Variants in CPM observed in about 807,000 individuals in gnomAD.
CPM encodes carboxypeptidase M, also known as renal carboxypeptidase.
CPM carries 35 observed loss-of-function variants against 46.4 expected under a neutral mutation model. That is an observed-to-expected ratio of 0.75 (90% CI 0.58 to 1.00). The LOEUF is 1.00. Ranked by LOEUF, CPM falls within the 50% of genes least tolerant of loss-of-function variation. The pLI, the probability that CPM is intolerant of heterozygous loss-of-function variation, is 0.00. For synonymous variants in CPM, 195 were observed against 195.3 expected (o/e 1.00, Z 0.01); for missense variants, 422 against 530.4 (o/e 0.80, Z 2.01).
At chr12:68,923,206 TGTGTGTG>T (rs1888113774) in intron 2 of CPM, among the ~76,000 whole-genome samples, 3 of 148,814 alleles carry the variant, frequency 2.0e-5, no homozygotes, top group East Asian at 3.9e-4. Context: ...TGTGTGTGTG[TGTGTGTG>T]TTTTGAGTAA....
rs1233987077 is a variant in CPM at position 68,855,266 on chromosome 12, G to C, written c.*1171C>G. The C allele has an allele frequency of 6.6e-6, 1 of 152,532 alleles. No homozygotes were observed. Among genetic ancestry groups the C allele is most frequent in the Non-Finnish European group, 1.5e-5 (1 of 68,340 alleles). The allele number at this position is 152,532 out of a possible 1,614,324, so 9.4% of individuals were successfully genotyped here. On this transcript the variant is annotated 3_prime_UTR_variant, in exon 9 of 9. Coordinates refer to ENST00000551568, the MANE Select transcript of CPM (RefSeq NM_198320.5). ...CTTGGTGGTCCCAGTAATTGAGAGAGAGAATGCAGCAGGAAGAGCAGCTCT... is the reference window on the plus strand; with the variant it reads ...CTTGGTGGTCCCAGTAATTGAGAGACAGAATGCAGCAGGAAGAGCAGCTCT...
At chr12:68,893,542 A>G (rs1645092341) in intron 2 of CPM, among the ~76,000 whole-genome samples, 1 of 152,176 alleles carries the variant, frequency 6.6e-6, no homozygotes, top group Admixed American at 6.5e-5. Flanking sequence ...CTGTGATAAG[A>G]GTAAGTGCTC....
intron 2 of CPM, among the ~76,000 whole-genome samples, chr12:68,892,181 T>A (rs1476962068): frequency 6.6e-6 from 1 of 151,998 alleles, no homozygotes; most frequent in Admixed American, 6.6e-5. Context: ...GCTAATCACC[T>A]CAGAGATGGA....
intron 2 of CPM, among the ~76,000 whole-genome samples, chr12:68,925,874 A>C (rs986411521): frequency 6.6e-6 from 1 of 152,172 alleles, no homozygotes. Flanking sequence ...TAGTTACAAT[A>C]ATGTAAAAAG....
intron 1 of CPM, among the ~76,000 whole-genome samples, chr12:68,954,448 G>A (rs1230127914): frequency 6.6e-6 from 1 of 152,078 alleles, no homozygotes. Context: ...CCCTCTCTTG[G>A]CTTCTGAGAC....
rs745406579 is a variant in CPM, at chr12:68,851,320, A to G, written c.*5117T>C. Reference sequence around the variant, plus strand: ...AAATTCTTAGTTATAGTATTAAAGAAAGTGGCTGGGCGCGGGGGCTCACGC... The same window carrying G: ...AAATTCTTAGTTATAGTATTAAAGAGAGTGGCTGGGCGCGGGGGCTCACGC... On this transcript the variant is annotated 3_prime_UTR_variant, in exon 9 of 9. Coordinates refer to ENST00000551568, the MANE Select transcript of CPM (RefSeq NM_198320.5). 2 of 152,554 alleles carry G rather than the reference A, an allele frequency of 1.3e-5. No homozygotes were observed. The highest frequency in any genetic ancestry group is 2.9e-5 in the Non-Finnish European group (2 of 68,030). The allele number at this position is 152,554 out of a possible 1,614,324, so 9.5% of individuals were successfully genotyped here. A position where few individuals can be genotyped will look rare whatever the true frequency, so the allele number is the denominator to read the frequency against.
intron 5 of CPM, chr12:68,843,106 T>A (rs74099445): frequency 0.068 from 14,748 of 218,040 alleles, 2,181 homozygotes; most frequent in African/African-American, 0.31. Context: ...TTTTTTTTTT[T>A]AAAGCCACAC....
chr12:68,904,265 A>T (rs1219575277), intron 2 of CPM, among the ~76,000 whole-genome samples: 1 of 152,218 alleles, frequency 6.6e-6, no homozygotes, highest in Non-Finnish European at 1.5e-5. Context: ...ACAAGAAGCC[A>T]TTCCAGAGAC....
chr12:68,953,153 G>A (rs75433771), intron 1 of CPM, among the ~76,000 whole-genome samples: 2,017 of 152,244 alleles, frequency 0.013, 42 homozygotes, highest in African/African-American at 0.047. Context: ...TTGCTCCTAC[G>A]GAATACTTGG....
rs530012113 is a variant in CPM at position 68,898,944 on chromosome 12, C to T, written c.161-13055G>A. ...TTGTAAGCACGTGTTTGTTTGAGGGCCTCAGGTGTACAAATTGGCTGATGA... is the reference window on the plus strand; with the variant it reads ...TTGTAAGCACGTGTTTGTTTGAGGGTCTCAGGTGTACAAATTGGCTGATGA... On this transcript the variant is annotated intron_variant, in intron 2 of 8. Transcript: ENST00000551568. Among the ~76,000 whole-genome samples the T allele has an allele frequency of 3.3e-5, 5 of 152,252 alleles. No individual in the cohort carries two copies. The South Asian group carries it at 1.0e-3, about 32-fold the overall frequency.
intron 2 of CPM, among the ~76,000 whole-genome samples, chr12:68,887,739 T>C (rs1022924785): frequency 6.6e-6 from 1 of 152,170 alleles, no homozygotes; most frequent in African/African-American, 2.4e-5. Flanking sequence ...TACTAGAGTG[T>C]GACATATGAT....
intron 1 of CPM, among the ~76,000 whole-genome samples, chr12:68,947,140 G>GAGTTGAAATGGAGTTAAGTGGAGTTC: frequency 6.6e-6 from 1 of 152,182 alleles, no homozygotes; most frequent in South Asian, 2.1e-4. Context: ...GGTGCTCATT[G>GAGTTGAAATGGAGTTAAGTGGAGTTC]AGTTGAAATG....
chr12:68,935,227 A>G (rs1295831371), upstream of CPM, among the ~76,000 whole-genome samples: 5 of 142,848 alleles, frequency 3.5e-5, no homozygotes, highest in African/African-American at 5.1e-5. Flanking sequence ...TTTTTTTCTT[A>G]AAGAGAAGTT....
At chr12:68,920,675 TTTTTTCTTTTTC>T (rs137932882) in intron 2 of CPM, among the ~76,000 whole-genome samples, 1 of 143,986 alleles carries the variant, frequency 6.9e-6, no homozygotes, top group Admixed American at 7.1e-5. Context: ...CTTAAGCTTT[TTTTTTCTTTTTC>T]TTTTTCTTTT....
At chr12:68,913,581 C>T (rs1017106888) in intron 2 of CPM, among the ~76,000 whole-genome samples, 3 of 152,110 alleles carry the variant, frequency 2.0e-5, no homozygotes, top group Non-Finnish European at 2.9e-5. Flanking sequence ...CAAAGGATCA[C>T]GTGTACATCA....
In CPM at chr12:68,887,926, C is replaced by T. The variant is rs117800929; in HGVS notation, c.161-2037G>A. Among the ~76,000 whole-genome samples the T allele has an allele frequency of 9.9e-3, 1,514 of 152,280 alleles. 15 individuals carry two copies. Among genetic ancestry groups the T allele is most frequent in the South Asian group, 0.039 (186 of 4,816 alleles). On this transcript the variant is annotated intron_variant, in intron 2 of 8. Coordinates refer to ENST00000551568, the MANE Select transcript of CPM (RefSeq NM_198320.5). ...GACAAGTACACTACATGTGGTGATT[C>T]CCCATCAGAAGCATTTGATTAACCA... is the stretch of plus-strand genomic sequence containing the variant.
chr12:68,865,930 T>A (rs567872394), intron 7 of CPM, among the ~76,000 whole-genome samples: 1 of 152,084 alleles, frequency 6.6e-6, no homozygotes. Context: ...AAACTCCGGG[T>A]TGGGGCCTGG....
chr12:68,922,618 A>ATTTTT (rs10603077), intron 2 of CPM, among the ~76,000 whole-genome samples: 1 of 138,118 alleles, frequency 7.2e-6, no homozygotes. Flanking sequence ...AGTTGGCAGC[A>ATTTTT]TTTTTTTTTT....
chr12:68,944,834 T>C (rs1052827673), intron 1 of CPM, among the ~76,000 whole-genome samples: 1 of 151,986 alleles, frequency 6.6e-6, no homozygotes, highest in Non-Finnish European at 1.5e-5. Context: ...AAAGATAGTT[T>C]GGTGGGCGGG....
Sources: gnomAD v4.1 joint callset for allele counts (sites outside exome capture counted in the v4.1 genomes callset) on GRCh38, gnomAD v4.1.1 for gene constraint, MANE v1.5 for transcripts, NCBI Gene and HGNC (gene_info 2026-07-23, HGNC 2026-07-21) for gene names.